The following WIPF1 variants were observed in gnomAD, a reference collection of about 807,000 sequenced individuals.
The protein encoded by WIPF1 is WAS/WASL-interacting protein family member 1.
WIPF1 carries 13 observed loss-of-function variants against 35.4 expected under a neutral mutation model. The ratio of observed to expected loss-of-function variants is 0.37; its 90% CI spans 0.24 to 0.58. The LOEUF is 0.58. WIPF1 is among the 20% of genes least tolerant of loss of function. The probability of loss-of-function intolerance (pLI) is 0.74; values close to 1 mark genes in which losing one functional copy is unlikely to be tolerated. For synonymous variants in WIPF1, 267 were observed against 266.3 expected, an observed-to-expected ratio of 1.00 and a Z score of -0.02; for missense variants, 591 against 667.0, an observed-to-expected ratio of 0.89 and a Z score of 1.25.
At chr2:174,599,881 G>C (rs1252150662), upstream of WIPF1, among the ~76,000 whole-genome samples, 1 of 151,906 alleles carries the variant, frequency 6.6e-6, no homozygotes, top group Non-Finnish European at 1.5e-5. Flanking sequence ...TCCCTTAGGG[G>C]AGTGGTCCCT....
intron 1 of WIPF1, among the ~76,000 whole-genome samples, chr2:174,617,241 G>C (rs1236323781): frequency 6.6e-6 from 1 of 152,106 alleles, no homozygotes; most frequent in Non-Finnish European, 1.5e-5. Context: ...CTTTCTAGGT[G>C]GCACCAGTCA....
At chr2:174,651,553 G>A (rs923941058) in intron 1 of WIPF1, among the ~76,000 whole-genome samples, 1 of 152,046 alleles carries the variant, frequency 6.6e-6, no homozygotes, top group Non-Finnish European at 1.5e-5. Flanking sequence ...ACTGGTTAGC[G>A]AACTCCCCAA....
Position 174,674,948 on chromosome 2 carries a change from A to ACACACACACACACG in WIPF1, c.-39+7825_-39+7826insCGTGTGTGTGTGTG, listed in dbSNP as rs576751803. Among the ~76,000 whole-genome samples the ACACACACACACACG allele has an allele frequency of 3.5e-3, 509 of 147,182 alleles. 13 individuals are homozygous for ACACACACACACACG. Among genetic ancestry groups the ACACACACACACACG allele is most frequent in the African/African-American group, 0.012 (469 of 39,502 alleles). On this transcript the variant is annotated intron_variant, in intron 1 of 8. Coordinates refer to the WIPF1 transcript ENST00000272746. ...CACACACACACACACACACACACAC[A>ACACACACACACACG]GATGTTCCAGGAAGAATGGTTGTAG...
At chr2:174,577,000 T>TG (rs1159124472) in intron 3 of WIPF1, among the ~76,000 whole-genome samples, 4 of 152,206 alleles carry the variant, frequency 2.6e-5, no homozygotes, top group African/African-American at 9.6e-5. Context: ...TTTGGAGATG[T>TG]GGTATATTTT....
intron 7 of WIPF1, among the ~76,000 whole-genome samples, chr2:174,565,910 G>A (rs1005387844): frequency 6.6e-6 from 1 of 150,980 alleles, no homozygotes; most frequent in African/African-American, 2.4e-5. Flanking sequence ...TTGAGATGAA[G>A]TCTCGCTCTG....
At chr2:174,658,409 C>A (rs1687691266) in intron 1 of WIPF1, among the ~76,000 whole-genome samples, 1 of 152,132 alleles carries the variant, frequency 6.6e-6, no homozygotes, top group Non-Finnish European at 1.5e-5. Flanking sequence ...CAAGTAACAT[C>A]TAGAGAAGAC....
chr2:174,593,069 G>T (rs910441329), intron 1 of WIPF1, among the ~76,000 whole-genome samples: 1 of 144,156 alleles, frequency 6.9e-6, no homozygotes, highest in African/African-American at 2.5e-5. Context: ...ATACAAAGAT[G>T]AAAAAAAAAA....
intron 1 of WIPF1, among the ~76,000 whole-genome samples, chr2:174,678,606 G>T (rs1252188902): frequency 6.6e-6 from 1 of 152,254 alleles, no homozygotes; most frequent in African/African-American, 2.4e-5. Context: ...TTTTACATCA[G>T]ATATCTCATG....
At chr2:174,618,352 A>G (rs1225102383) in intron 1 of WIPF1, among the ~76,000 whole-genome samples, 1 of 152,222 alleles carries the variant, frequency 6.6e-6, no homozygotes, top group Non-Finnish European at 1.5e-5. Flanking sequence ...ACTGAGGATC[A>G]AGGAGGGGCA....
intron 1 of WIPF1, among the ~76,000 whole-genome samples, chr2:174,669,386 G>A (rs1303607089): frequency 6.6e-6 from 1 of 152,136 alleles, no homozygotes; most frequent in African/African-American, 2.4e-5. Flanking sequence ...AGAATTCTTA[G>A]TTAATAAACC....
At chr2:174,591,673 TAC>T (rs71407131) in intron 1 of WIPF1, among the ~76,000 whole-genome samples, 5,871 of 146,312 alleles carry the variant, frequency 0.04, 129 homozygotes, top group Middle Eastern at 0.085. Context: ...CTTTGTTGCT[TAC>T]ACACACACAC....
At chr2:174,647,396 C>G (rs956690757) in intron 1 of WIPF1, among the ~76,000 whole-genome samples, 1 of 150,870 alleles carries the variant, frequency 6.6e-6, no homozygotes, top group Non-Finnish European at 1.5e-5. Context: ...CTTTCCGAGA[C>G]TGAGTCTTGC....
chr2:174,567,846 G>C lies in WIPF1; in HGVS notation c.1342+15C>G. ...TTGCTGCCCTATAGCCCAGGGAGCT[G>C]GGACCACACCTCACCTTCACATGGA... On this transcript the variant is annotated intron_variant, in intron 6 of 7. Coordinates refer to ENST00000679041, the MANE Select transcript of WIPF1 (RefSeq NM_001375834.1). 1 of 1,550,856 alleles carries C rather than the reference G, an allele frequency of 6.4e-7. No individual in the cohort carries two copies. The highest frequency in any genetic ancestry group is 8.7e-7 in the Non-Finnish European group (1 of 1,148,050).
intron 4 of WIPF1, chr2:174,574,803 A>C: frequency 1.4e-6 from 1 of 691,652 alleles, no homozygotes; most frequent in Admixed American, 2.4e-5. Flanking sequence ...TCGTGTTTGA[A>C]AAGCGGCTCA....
At chr2:174,642,830 T>C (rs1687328092) in intron 1 of WIPF1, among the ~76,000 whole-genome samples, 1 of 149,434 alleles carries the variant, frequency 6.7e-6, no homozygotes, top group Non-Finnish European at 1.5e-5. Context: ...TCCACGTTTC[T>C]TATTTCCTTT....
intron 2 of WIPF1, among the ~76,000 whole-genome samples, chr2:174,584,057 G>C (rs1245833640): frequency 6.6e-6 from 1 of 151,992 alleles, no homozygotes; most frequent in Non-Finnish European, 1.5e-5. Context: ...CGAACTCCTG[G>C]GCTCAAGTTA....
At chr2:174,599,957 T>G (rs1685948617), upstream of WIPF1, among the ~76,000 whole-genome samples, 1 of 151,360 alleles carries the variant, frequency 6.6e-6, no homozygotes, top group Non-Finnish European at 1.5e-5. Flanking sequence ...GGGCAGGGGG[T>G]GGGGATGGTT....
intron 1 of WIPF1, among the ~76,000 whole-genome samples, chr2:174,620,105 G>A (rs552082904): frequency 4.3e-4 from 66 of 152,276 alleles, no homozygotes; most frequent in African/African-American, 1.4e-3. Flanking sequence ...GGCCATTTGC[G>A]TGTTTATTAA....
intron 1 of WIPF1, among the ~76,000 whole-genome samples, chr2:174,611,043 C>T (rs1053349873): frequency 2.6e-5 from 4 of 152,182 alleles, no homozygotes; most frequent in African/African-American, 4.8e-5. Flanking sequence ...GGGCTCCATG[C>T]ACAGCAGCCA....
Sources: gnomAD v4.1 joint callset for allele counts (sites outside exome capture counted in the v4.1 genomes callset) on GRCh38, gnomAD v4.1.1 for gene constraint, MANE v1.5 for transcripts, NCBI Gene and HGNC (gene_info 2026-07-23, HGNC 2026-07-21) for gene names.